The following SCIN variants were observed in gnomAD, a reference collection of about 807,000 sequenced individuals.
The protein encoded by SCIN is adseverin.
In SCIN, 91 loss-of-function variants were observed where a neutral mutation model predicts 91.8. The observed-to-expected ratio is 0.99, with a 90% confidence interval of 0.84 to 1.18. The LOEUF is 1.18. SCIN is among the 50% of genes most tolerant of loss of function. SCIN has a pLI of 0.00. For synonymous variants in SCIN, 367 were observed against 312.6 expected (o/e 1.17, Z -1.84); for missense variants, 1,087 against 863.9 (o/e 1.26, Z -3.24).
intron 11 of SCIN, among the ~76,000 whole-genome samples, chr7:12,643,341 G>T (rs1381305076): frequency 6.6e-6 from 1 of 152,102 alleles, no homozygotes; most frequent in Non-Finnish European, 1.5e-5. Context: ...TCTCTTGTCA[G>T]CTTCTATCCA....
intron 3 of SCIN, among the ~76,000 whole-genome samples, chr7:12,585,533 G>C (rs943172031): frequency 6.6e-6 from 1 of 152,018 alleles, no homozygotes; most frequent in Non-Finnish European, 1.5e-5. Context: ...CAGTATTTCA[G>C]ATATTTCATG....
chr7:12,573,817 A>G (rs1438424565), intron 1 of SCIN, among the ~76,000 whole-genome samples: 1 of 152,188 alleles, frequency 6.6e-6, no homozygotes, highest in Non-Finnish European at 1.5e-5. Flanking sequence ...TTTATGTTAT[A>G]AGTGGGCTAT....
intron 14 of SCIN, among the ~76,000 whole-genome samples, chr7:12,650,744 A>G (rs1396283676): frequency 1.3e-5 from 2 of 152,182 alleles, no homozygotes; most frequent in African/African-American, 2.4e-5. Context: ...AATTATATCA[A>G]TTTTTTAAAA....
chr7:12,607,208 G>C (rs1189475517), intron 4 of SCIN, among the ~76,000 whole-genome samples: 4 of 152,162 alleles, frequency 2.6e-5, no homozygotes, highest in African/African-American at 9.7e-5. Context: ...TATGCAAAGT[G>C]AAGGGTTAGA....
chr7:12,605,784 A>C (rs559407391), intron 4 of SCIN, among the ~76,000 whole-genome samples: 54 of 152,330 alleles, frequency 3.5e-4, no homozygotes, highest in African/African-American at 1.3e-3. Flanking sequence ...CAAGAGATTA[A>C]ATATGCCAGT....
intron 11 of SCIN, among the ~76,000 whole-genome samples, chr7:12,641,573 C>T (rs1183175651): frequency 1.3e-5 from 2 of 152,202 alleles, no homozygotes; most frequent in Non-Finnish European, 2.9e-5. Flanking sequence ...CGGCTTCTCT[C>T]TTCCAGCAGT....
intron 8 of SCIN, 119 bp from the exon 9 acceptor site, chr7:12,628,981 TA>T: frequency 1.2e-6 from 1 of 833,968 alleles, no homozygotes; most frequent in Admixed American, 3.2e-5. Flanking sequence ...GTAAACTAGT[TA>T]ATAAATAATT....
chr7:12,644,822 C>T (rs1475777021), intron 13 of SCIN, 117 bp downstream of exon 13: 40 of 922,516 alleles, frequency 4.3e-5, no homozygotes, highest in Non-Finnish European at 6.2e-5. Flanking sequence ...TCGAGACCAG[C>T]CTGACCAACA....
At chr7:12,622,124 T>C (rs182541460) in intron 4 of SCIN, among the ~76,000 whole-genome samples, 1 of 152,182 alleles carries the variant, frequency 6.6e-6, no homozygotes, top group East Asian at 1.9e-4. Flanking sequence ...TTTATTTTAA[T>C]ATAAAGAAAT....
rs1370871792 is a variant in SCIN at position 12,604,590 on chromosome 7, G to A, written c.593G>A (p.Arg198Gln). 1.4e-5 allele frequency: 22 copies of A among 1,551,904 alleles called. No homozygotes were observed. Among genetic ancestry groups the A allele is most frequent in the Non-Finnish European group, 1.8e-5 (21 of 1,147,030 alleles). Residue 198 changes from arginine (R) to glutamine (Q), a missense_variant, in exon 4 of 16, where the codon CGG becomes CAG. Coordinates refer to ENST00000297029, the MANE Select transcript of SCIN (RefSeq NM_001112706.3). ...GCAAACCAGGTAGCTACTGGCATTC[G>A]GTACAATGAAAGGAAAGGAAGGTCT... Reference protein sequence around the residue: ...LKANQVATGIRYNERKGRSEL... With the variant: ...LKANQVATGIQYNERKGRSEL...
chr7:12,633,137 C>T (rs761061411), intron 9 of SCIN, among the ~76,000 whole-genome samples: 1 of 151,852 alleles, frequency 6.6e-6, no homozygotes, highest in African/African-American at 2.4e-5. Context: ...GGGACATAAA[C>T]AGGTTAAGTC....
rs1163583837 is a variant in SCIN, at chr7:12,603,677, A to C, written c.517-837A>C. 2.0e-5 allele frequency among the ~76,000 whole-genome samples: 3 copies of C among 152,170 alleles called. No homozygotes were observed. In the East Asian group the frequency reaches 5.8e-4, roughly 29 times the overall value. The stretch of plus-strand genomic sequence containing the variant: ...TATACCAAAATCTACAATCTAAAAT[A>C]TATAGTAGTTTAATCTAAATGGTAG... On this transcript the variant is annotated intron_variant, in intron 3 of 15. Transcript: ENST00000297029.
intron 4 of SCIN, among the ~76,000 whole-genome samples, chr7:12,605,993 A>C (rs901925896): frequency 5.9e-5 from 9 of 152,274 alleles, no homozygotes; most frequent in African/African-American, 2.2e-4. Context: ...TGACTACCTA[A>C]GTATATATAT....
Position 12,653,366 on chromosome 7 carries a change from T to G in SCIN, c.*651T>G, listed in dbSNP as rs1304105584. 5 of 152,218 alleles carry G rather than the reference T, an allele frequency of 3.3e-5. No individual in the cohort carries two copies. Among genetic ancestry groups the G allele is most frequent in the Admixed American group, 2.6e-4 (4 of 15,290 alleles). 9.4% of individuals were successfully genotyped at this position (152,218 alleles called of 1,614,324 possible). On this transcript the variant is annotated 3_prime_UTR_variant, in exon 16 of 16. Transcript: ENST00000297029. This position sits in a 1 kb window ranked among gnomAD's most constrained non-coding sequence, Gnocchi z 4.1. Reference sequence around the variant, plus strand: ...TAATGCATTAGCCATTAGTCAGAGTTGTTTTTTAACATGCCAGAGAAAAAG... The same window carrying G: ...TAATGCATTAGCCATTAGTCAGAGTGGTTTTTTAACATGCCAGAGAAAAAG...
At chr7:12,612,820 C>G (rs1053232954) in intron 4 of SCIN, among the ~76,000 whole-genome samples, 1 of 152,200 alleles carries the variant, frequency 6.6e-6, no homozygotes, top group Non-Finnish European at 1.5e-5. Context: ...AACAGCTTAT[C>G]ATATGCTGCA....
intron 5 of SCIN, among the ~76,000 whole-genome samples, chr7:12,624,355 A>T (rs959133619): frequency 2.0e-5 from 3 of 152,238 alleles, no homozygotes; most frequent in African/African-American, 7.2e-5. Flanking sequence ...ATTTTGTAAG[A>T]CCACTTAAAA....
intron 1 of SCIN, among the ~76,000 whole-genome samples, chr7:12,574,695 T>A (rs1019927043): frequency 6.6e-6 from 1 of 152,158 alleles, no homozygotes; most frequent in African/African-American, 2.4e-5. Context: ...GGTCTATTGA[T>A]CTGTGTCTAT....
chr7:12,600,251 A>G (rs1782930777), intron 3 of SCIN, among the ~76,000 whole-genome samples: 2 of 152,214 alleles, frequency 1.3e-5, no homozygotes, highest in African/African-American at 4.8e-5. Flanking sequence ...TAACTCAGGA[A>G]TAGAAAACCA....
chr7:12,623,345 A>G (rs1783448790), intron 5 of SCIN, among the ~76,000 whole-genome samples: 2 of 152,138 alleles, frequency 1.3e-5, no homozygotes, highest in Admixed American at 6.6e-5. Flanking sequence ...AAACAGCTGG[A>G]GGGAAACAGG....
Sources: gnomAD v4.1 joint callset for allele counts (sites outside exome capture counted in the v4.1 genomes callset) on GRCh38, gnomAD v4.1.1 for gene constraint, Gnocchi (gnomAD v3.1) non-coding constraint, MANE v1.5 for transcripts, NCBI Gene and HGNC (gene_info 2026-07-23, HGNC 2026-07-21) for gene names.